The following ERI2 variants were observed in gnomAD, a reference collection of about 807,000 sequenced individuals.
ERI2 encodes the protein ERI1 exoribonuclease family member 2.
Under a neutral mutation model 46.8 loss-of-function variants are expected in ERI2, and 35 were observed. The observed-to-expected ratio is 0.75, with a 90% CI of 0.57 to 0.99. The LOEUF (loss-of-function observed/expected upper bound fraction) is 0.99. Among genes scored for constraint, ERI2 ranks in the 50% least tolerant of loss-of-function variants. The probability of loss-of-function intolerance (pLI) is 0.00; values close to 1 mark genes in which losing one functional copy is unlikely to be tolerated. For synonymous variants in ERI2, 224 were observed against 271.0 expected, an observed-to-expected ratio of 0.83 and a Z score of 1.70; for missense variants, 695 against 796.2, an observed-to-expected ratio of 0.87 and a Z score of 1.53.
intron 10 of ERI2, chr16:20,784,655 G>A (rs2080430227): frequency 6.1e-6 from 1 of 163,438 alleles, no homozygotes; most frequent in African/African-American, 2.4e-5. Flanking sequence ...GTTATTATGG[G>A]GTACCTTCCC....
In ERI2 at chr16:20,798,716, G is replaced by A; in HGVS notation, c.1084C>T (p.Leu362Phe). 1 of 1,551,632 alleles carries A rather than the reference G, an allele frequency of 6.4e-7. No homozygotes were observed. Among genetic ancestry groups the A allele is most frequent in the Non-Finnish European group, 8.7e-7 (1 of 1,146,930 alleles). Residue 362 changes from leucine to phenylalanine, a missense_variant, in exon 9 of 9, where the codon CTT becomes TTT. Coordinates refer to ENST00000357967, the MANE Select transcript of ERI2 (RefSeq NM_001142725.2). ...YMQKQGKNEHLAFNTKSKAST... is the reference protein window; with the variant it reads ...YMQKQGKNEHFAFNTKSKAST... ...GCCTTAGATTTGGTATTAAATGCAA[G>A]ATGTTCATTTTTTCCTTGCTTTTGC...
intron 3 of ERI2, 47 bp from the exon 4 acceptor site, chr16:20,802,970 A>G: frequency 6.7e-7 from 1 of 1,501,954 alleles, no homozygotes; most frequent in Non-Finnish European, 9.0e-7. Flanking sequence ...TAATTTTTAA[A>G]TTAATCCTGT....
intron 3 of ERI2, among the ~76,000 whole-genome samples, 166 bp from the exon 4 acceptor site, chr16:20,803,089 G>A (rs911842977): frequency 6.6e-6 from 1 of 152,138 alleles, no homozygotes; most frequent in East Asian, 1.9e-4. Context: ...ATAAAGTTAT[G>A]CTAAAGTCAA....
At chr16:20,806,243 G>A (rs2080869789) in intron 1 of ERI2, 165 bp downstream of exon 1, 4 of 1,416,162 alleles carry the variant, frequency 2.8e-6, no homozygotes, top group South Asian at 1.5e-5. Context: ...CCGAGGTCCA[G>A]GGAGGCGCCT....
intron 7 of ERI2, 71 bp downstream of exon 7, chr16:20,799,886 C>T: frequency 5.4e-6 from 5 of 925,016 alleles, no homozygotes; most frequent in East Asian, 2.5e-5. Context: ...ATGACATTAC[C>T]AAAAAATGAA....
At position 20,798,207 on chromosome 16, in the gene ERI2, AC is replaced by A. The variant is rs1464063964; in HGVS notation, c.1592del (p.Gly531ValfsTer35). ...VLGKHPLLSG[G>X]TKRNPCSPQA... ...GGGGACTGCATGGATTCCTTTTGGT[AC>A]CACCTGAAAGAAGAGGATGTTTCCC... is the stretch of plus-strand genomic sequence containing the variant. On this transcript the variant is annotated frameshift_variant, in exon 9 of 9. Transcript: ENST00000357967. LOFTEE classifies it high-confidence loss of function. The A allele has an allele frequency of 4.5e-5, 70 of 1,551,516 alleles. No homozygotes were observed. The highest frequency in any genetic ancestry group is 6.0e-5 in the Non-Finnish European group (69 of 1,146,936).
rs553596829 is a variant in ERI2 at position 20,780,788 on chromosome 16, C to T, written c.895-54G>A. 148 of 1,614,176 alleles carry T rather than the reference C, an allele frequency of 9.2e-5. No homozygotes were observed. The South Asian group carries it at 1.6e-3, about 17-fold the overall frequency. On this transcript the variant is annotated intron_variant, in intron 10 of 10. Coordinates refer to the ERI2 transcript ENST00000300005. ...ATGGCCATATTCTTTACCAGTGGAACAAGTGGATATCCGAAAATGACTGCA... is the reference window on the plus strand; with the variant it reads ...ATGGCCATATTCTTTACCAGTGGAATAAGTGGATATCCGAAAATGACTGCA...
chr16:20,785,827 A>T (rs1049920849), intron 10 of ERI2, among the ~76,000 whole-genome samples: 2 of 152,198 alleles, frequency 1.3e-5, no homozygotes, highest in African/African-American at 4.8e-5. Context: ...CAAGTATGCT[A>T]ATATAAATGC....
intron 1 of ERI2, 169 bp downstream of exon 1, chr16:20,806,239 T>A: frequency 7.1e-7 from 1 of 1,413,888 alleles, no homozygotes; most frequent in South Asian, 1.5e-5. Flanking sequence ...AAGACCGAGG[T>A]CCAGGGAGGC....
At chr16:20,792,534 C>CA (rs1361506855), downstream of ERI2, 1 of 985,272 alleles carries the variant, frequency 1.0e-6, no homozygotes, top group Non-Finnish European at 1.2e-6. Flanking sequence ...AACAGACAAA[C>CA]AAAATAAGGC....
chr16:20,803,630 T>G lies in ERI2; in HGVS notation c.64A>C (p.Asn22His). Residue 22 changes from asparagine to histidine, a missense_variant, in exon 2 of 9, where the codon AAT (asparagine) becomes CAT (histidine). By Grantham distance (68) the Asn-to-His change is moderately conservative (BLOSUM62 1). Transcript: ENST00000357967. Reference sequence around the variant, plus strand: ...GATTTGCTTCTTCCGAGATTTCCATTTGCTGGCGCAATTGACTTTCTCCTA... The same window carrying G: ...GATTTGCTTCTTCCGAGATTTCCATGTGCTGGCGCAATTGACTTTCTCCTA... ...LIRRKSIAPA[N>H]GNLGRSKSKQ... 1.9e-6 allele frequency: 3 copies of G among 1,614,160 alleles called. No individual in the cohort carries two copies. Among genetic ancestry groups the G allele is most frequent in the Non-Finnish European group, 2.5e-6 (3 of 1,180,022 alleles).
rs2080793554 is a variant in ERI2, at chr16:20,801,356, G to A, written c.307C>T (p.Gln103Ter). 2 of 1,594,476 alleles carry A rather than the reference G, an allele frequency of 1.3e-6. No individual in the cohort carries two copies. The highest frequency in any genetic ancestry group is 1.7e-6 in the Non-Finnish European group (2 of 1,171,996). The change falls in exon 5 of 9, where the codon CAA (glutamine) becomes TAA (stop). Residue 103 changes from glutamine to a stop codon, truncating the protein, a stop_gained. Transcript: ENST00000357967. LOFTEE classifies it high-confidence loss of function. ...TTCAGAGGGACTCCTTCATCAACTTGAGCCTGAGTAGAGAGTCACAAAAGC... is the reference window on the plus strand; with the variant it reads ...TTCAGAGGGACTCCTTCATCAACTTAAGCCTGAGTAGAGAGTCACAAAAGC... ...CMELTGIKQA[Q>*]VDEGVPLKIC...
chr16:20,796,205 G>A (rs1596545624), downstream of ERI2: 10 of 1,227,950 alleles, frequency 8.1e-6, no homozygotes, highest in South Asian at 1.5e-4. Context: ...ATTAGGTACA[G>A]ACCAGGAAGT....
At chr16:20,788,529 T>C (rs2152481711) in intron 10 of ERI2, among the ~76,000 whole-genome samples, 1 of 152,354 alleles carries the variant, frequency 6.6e-6, no homozygotes, top group Non-Finnish European at 1.5e-5. Context: ...GGGCCGTTAT[T>C]ATGGGGCTTC....
chr16:20,801,097 G>A, intron 5 of ERI2, 106 bp downstream of exon 5: 1 of 1,092,472 alleles, frequency 9.2e-7, no homozygotes, highest in South Asian at 2.9e-5. Context: ...TAGCCCAGAA[G>A]ATTAACAAAC....
intron 5 of ERI2, 38 bp from the exon 6 acceptor site, chr16:20,800,440 T>C (rs776874638): frequency 6.1e-6 from 8 of 1,305,694 alleles, no homozygotes; most frequent in Admixed American, 2.0e-5. Flanking sequence ...AAGTCAATGA[T>C]GCCAGCATTT....
At position 20,803,528 on chromosome 16, in the gene ERI2, C is replaced by CA. The variant is rs1314841643; in HGVS notation, c.92-13dup. 2 of 1,613,744 alleles carry CA rather than the reference C, an allele frequency of 1.2e-6. No homozygotes were observed. Among genetic ancestry groups the CA allele is most frequent in the Non-Finnish European group, 1.7e-6 (2 of 1,179,718 alleles). ...GTCAAACAACTGCTCTGCAAAAGATCAAGTTGTTCTTATGCTTTACCAGTG... is the reference window on the plus strand; with the variant it reads ...GTCAAACAACTGCTCTGCAAAAGATCAAAGTTGTTCTTATGCTTTACCAGTG... On this transcript the variant is annotated splice_polypyrimidine_tract_variant and intron_variant, in intron 2 of 8. Coordinates refer to ENST00000357967, the MANE Select transcript of ERI2 (RefSeq NM_001142725.2).
chr16:20,785,229 TA>T, intron 10 of ERI2: 2 of 1,355,758 alleles, frequency 1.5e-6, no homozygotes, highest in South Asian at 1.3e-5. Flanking sequence ...AGAAAATGTT[TA>T]AAAAAACAAT....
chr16:20,791,031 G>A, intron 8 of ERI2: 1 of 1,297,058 alleles, frequency 7.7e-7, no homozygotes. Flanking sequence ...TTTCTTTTCG[G>A]GAAGAGTGAG....
Sources: allele counts gnomAD v4.1 joint callset (sites outside exome capture counted in the v4.1 genomes callset), GRCh38; gene constraint gnomAD v4.1.1; transcripts MANE v1.5; gene names NCBI Gene and HGNC (gene_info 2026-07-23, HGNC 2026-07-21).